ENPP7: variants seen among roughly 807,000 people sequenced by gnomAD.
ENPP7 encodes ectonucleotide pyrophosphatase/phosphodiesterase 7.
In ENPP7, 39 loss-of-function variants were observed where a neutral mutation model predicts 33.6. That is an observed-to-expected ratio of 1.16 (90% CI 0.90 to 1.52). ENPP7 has a LOEUF of 1.52. Ranked by LOEUF, ENPP7 falls within the 40% of genes most tolerant of loss-of-function variation. The pLI, the probability that ENPP7 is intolerant of heterozygous loss-of-function variation, is 0.00. For missense variants in ENPP7, 594 were observed against 641.0 expected, an observed-to-expected ratio of 0.93 and a Z score of 0.79; for synonymous variants, 244 against 274.3, an observed-to-expected ratio of 0.89 and a Z score of 1.09.
Position 79,738,003 on chromosome 17 carries a change from T to C in ENPP7, c.1334T>C (p.Met445Thr), listed in dbSNP as rs551019667. Residue 445 changes from methionine to threonine, a missense_variant, in exon 5 of 6, where the codon ATG (methionine) becomes ACG (threonine). Coordinates refer to ENST00000328313, the MANE Select transcript of ENPP7 (RefSeq NM_178543.5). This position sits in a 1 kb window ranked among gnomAD's most constrained non-coding sequence, Gnocchi z 6.2. Reference protein sequence around the residue: ...LPPSSRPLLVMGLLGTVILLS... With the variant: ...LPPSSRPLLVTGLLGTVILLS... The stretch of plus-strand genomic sequence containing the variant: ...CCCAGCAGCAGGCCCCTCCTCGTGA[T>C]GGGACTGCTGGGGACCGTGATTCTT... 2.4e-5 allele frequency: 39 copies of C among 1,613,248 alleles called. No homozygotes were observed. The South Asian group carries it at 4.2e-4, about 17-fold the overall frequency.
At chr17:79,740,136 T>C (rs1350305426) in intron 5 of ENPP7, among the ~76,000 whole-genome samples, 2 of 152,142 alleles carry the variant, frequency 1.3e-5, no homozygotes, top group African/African-American at 4.8e-5. Flanking sequence ...AGGTGGAGGC[T>C]GCAGTGAGCC....
chr17:79,736,237 G>T (rs782605774), intron 3 of ENPP7, among the ~76,000 whole-genome samples: 1 of 151,782 alleles, frequency 6.6e-6, no homozygotes, highest in Non-Finnish European at 1.5e-5. Context: ...ACAGGGTTTT[G>T]CATGTTGGCC....
intron 1 of ENPP7, among the ~76,000 whole-genome samples, chr17:79,732,895 G>A (rs1383068810): frequency 4.6e-5 from 7 of 152,138 alleles, no homozygotes; most frequent in Admixed American, 1.3e-4. Context: ...CCTTCTAACC[G>A]CAAACGGAGG....
chr17:79,740,759 C>T (rs1905466347), intron 5 of ENPP7, among the ~76,000 whole-genome samples: 1 of 152,182 alleles, frequency 6.6e-6, no homozygotes, highest in African/African-American at 2.4e-5. Context: ...TGCTGTTGGC[C>T]CTTACCCATT....
At position 79,733,585 on chromosome 17, in the gene ENPP7, G is replaced by A. The variant is rs571036557; in HGVS notation, c.331G>A (p.Ala111Thr). 1.2e-5 allele frequency: 20 copies of A among 1,613,492 alleles called. No homozygotes were observed. The East Asian group carries it at 2.5e-4, about 20-fold the overall frequency. ...CAGCAAGGTGAAGCTGCCCTACCAC[G>A]CCACGCTGGGCATCCAGAGGTGGTG... ...TTSKVKLPYH[A>T]TLGIQRWWDN... The change falls in exon 2 of 6, where the codon GCC (alanine) becomes ACC (threonine). Residue 111 changes from alanine (A) to threonine (T), a missense_variant. Transcript: ENST00000328313.
rs1172796051 is a variant in ENPP7, at chr17:79,739,891, T to C, written c.*16+1829T>C. Among the ~76,000 whole-genome samples the C allele has an allele frequency of 1.3e-5, 2 of 152,200 alleles. No individual in the cohort carries two copies. The highest frequency in any genetic ancestry group is 1.9e-4 in the East Asian group (1 of 5,198). On this transcript the variant is annotated intron_variant, in intron 5 of 5. Coordinates refer to ENST00000328313, the MANE Select transcript of ENPP7 (RefSeq NM_178543.5). The surrounding 1 kb of genome is among the most constrained non-coding windows in gnomAD (Gnocchi z 4.4). ...GACAGGAAAAGCCAAGAGCTTGTCA[T>C]GGGTCAAGAGGGGAATGAGGCCAGG... is the stretch of plus-strand genomic sequence containing the variant.
rs1555822416 is a variant in ENPP7 at position 79,731,196 on chromosome 17, G to A, written c.57G>A (p.Gly19=). 1 of 1,611,820 alleles carries A rather than the reference G, an allele frequency of 6.2e-7. No homozygotes were observed. Among genetic ancestry groups the A allele is most frequent in the Admixed American group, 1.7e-5 (1 of 59,998 alleles). The change falls in exon 1 of 6, where the codon GGG becomes GGA. Residue 19 remains glycine (G), a synonymous_variant. Coordinates refer to ENST00000328313, the MANE Select transcript of ENPP7 (RefSeq NM_178543.5). The stretch of plus-strand genomic sequence containing the variant: ...CTCTGGCCACGCTCCTGGCTCCCGG[G>A]GCCGGAGCACCGGTACAAAGTCAGG... The part of the protein sequence containing the change: ...TVALATLLAP[G]AGAPVQSQGS...
rs144007702 is a variant in ENPP7 at position 79,735,355 on chromosome 17, C to T, written c.712C>T (p.Arg238Cys). 5.1e-5 allele frequency: 82 copies of T among 1,613,772 alleles called. No individual in the cohort carries two copies. Among genetic ancestry groups the T allele is most frequent in the Admixed American group, 6.7e-5 (4 of 60,006 alleles). The change falls in exon 3 of 6, where the codon CGC becomes TGC. Residue 238 changes from arginine to cysteine, a missense_variant. Transcript: ENST00000328313. The surrounding 1 kb of genome is among the most constrained non-coding windows in gnomAD (Gnocchi z 5.5). ...ESIARNHLTD[R>C]LNLIITSDHG... is the part of the protein sequence containing the mutation. The stretch of plus-strand genomic sequence containing the variant: ...CATCGCGCGCAACCACCTCACAGAC[C>T]GCCTCAACCTGATCATCACATCCGA...
chr17:79,737,099 T>C lies in ENPP7; in HGVS notation c.1085T>C (p.Met362Thr), dbSNP rs567264953. 8.1e-6 allele frequency: 13 copies of C among 1,614,164 alleles called. No individual in the cohort carries two copies. The highest frequency in any genetic ancestry group is 3.3e-5 in the South Asian group (3 of 91,090). ...GGCTTTGACAACAAGGACATGGACA[T>C]GAAGACCATCTTCCGCGCTGTGGGC... ...EHGFDNKDMD[M>T]KTIFRAVGPS... Residue 362 changes from methionine (M) to threonine (T), a missense_variant, in exon 4 of 6, where the codon ATG becomes ACG. Met to Thr is a moderately conservative substitution (Grantham distance 81). This residue lies in a region of ENPP7 where 504 missense variants were observed against 512.8 expected (regional missense o/e 0.98). Transcript: ENST00000328313. This position sits in a 1 kb window ranked among gnomAD's most constrained non-coding sequence, Gnocchi z 5.5.
chr17:79,735,676 C>T lies in ENPP7; in HGVS notation c.1026+7C>T, dbSNP rs781809486. ...TGGCTACGTCATCCATGGGGTGAGTCGCCTGCTGGAGGCACCACCTCCAGG... is the reference window on the plus strand; with the variant it reads ...TGGCTACGTCATCCATGGGGTGAGTTGCCTGCTGGAGGCACCACCTCCAGG... On this transcript the variant is annotated splice_region_variant and intron_variant, in intron 3 of 5. Coordinates refer to ENST00000328313, the MANE Select transcript of ENPP7 (RefSeq NM_178543.5). The surrounding 1 kb of genome is among the most constrained non-coding windows in gnomAD (Gnocchi z 5.5). 6 of 1,597,662 alleles carry T rather than the reference C, an allele frequency of 3.8e-6. No homozygotes were observed. The highest frequency in any genetic ancestry group is 5.1e-6 in the Non-Finnish European group (6 of 1,169,014).
Position 79,737,085 on chromosome 17 carries a change from CA to C in ENPP7, c.1073del (p.Lys358ArgfsTer5). 6.2e-7 allele frequency: 1 copy of C among 1,614,180 alleles called. No individual in the cohort carries two copies. Among genetic ancestry groups the C allele is most frequent in the Non-Finnish European group, 8.5e-7 (1 of 1,180,032 alleles). ...FNNGEHGFDN[K>X]DMDMKTIFRA... is the part of the protein sequence containing the mutation. ...ACAATGGGGAGCACGGCTTTGACAA[CA>C]AGGACATGGACATGAAGACCATCTT... On this transcript the variant is annotated frameshift_variant, in exon 4 of 6. Coordinates refer to ENST00000328313, the MANE Select transcript of ENPP7 (RefSeq NM_178543.5). LOFTEE classifies it high-confidence loss of function. The surrounding 1 kb of genome is among the most constrained non-coding windows in gnomAD (Gnocchi z 5.5).
rs973674942 is a variant in ENPP7 at position 79,737,419 on chromosome 17, G to A, written c.1246+159G>A. On this transcript the variant is annotated intron_variant, in intron 4 of 5. Coordinates refer to ENST00000328313, the MANE Select transcript of ENPP7 (RefSeq NM_178543.5). This position sits in a 1 kb window ranked among gnomAD's most constrained non-coding sequence, Gnocchi z 5.5. ...AGAATCTCTCACATTCCCACAACAC[G>A]TGACCTCTCACGAGCACCTCATGCA... Among the ~76,000 whole-genome samples the A allele has an allele frequency of 2.6e-5, 4 of 152,204 alleles. No homozygotes were observed. Among genetic ancestry groups the A allele is most frequent in the Admixed American group, 1.3e-4 (2 of 15,282 alleles).
chr17:79,736,536 C>CACGTGTGTGTGTGT (rs1317944325), intron 3 of ENPP7, among the ~76,000 whole-genome samples: 1 of 146,010 alleles, frequency 6.8e-6, no homozygotes, highest in African/African-American at 2.5e-5. Flanking sequence ...GTGTGATAGG[C>CACGTGTGTGTGTGT]GTGTGTGTGT....
At position 79,735,820 on chromosome 17, in the gene ENPP7, A is replaced by G. The variant is rs7210835; in HGVS notation, c.1026+151A>G. ...GCTCACTGCAGCCTTAAACTCCCAGACTCAAGCGATCCTTCCACCTCAGCC... is the reference window on the plus strand; with the variant it reads ...GCTCACTGCAGCCTTAAACTCCCAGGCTCAAGCGATCCTTCCACCTCAGCC... On this transcript the variant is annotated intron_variant, in intron 3 of 5. Coordinates refer to ENST00000328313, the MANE Select transcript of ENPP7 (RefSeq NM_178543.5). This position sits in a 1 kb window ranked among gnomAD's most constrained non-coding sequence, Gnocchi z 5.5. The G allele has an allele frequency of 0.31, 218,247 of 702,348 alleles. 36,756 individuals are homozygous for G. Among genetic ancestry groups the G allele is most frequent in the African/African-American group, 0.47 (25,916 of 55,540 alleles). 43.5% of individuals were successfully genotyped at this position (702,348 alleles called of 1,614,324 possible). A position where few individuals can be genotyped will look rare whatever the true frequency, so the allele number is the denominator to read the frequency against.
At position 79,735,320 on chromosome 17, in the gene ENPP7, T is replaced by G; in HGVS notation, c.677T>G (p.Leu226Arg). 6.2e-7 allele frequency: 1 copy of G among 1,613,196 alleles called. No individual in the cohort carries two copies. Among genetic ancestry groups the G allele is most frequent in the Non-Finnish European group, 8.5e-7 (1 of 1,179,980 alleles). ...CAGGTGGACCGGACCGTGGGCTACC[T>G]CCGGGAGAGCATCGCGCGCAACCAC... ...VRQVDRTVGY[L>R]RESIARNHLT... is the part of the protein sequence containing the mutation. The change falls in exon 3 of 6, where the codon CTC (leucine) becomes CGC (arginine). Residue 226 changes from leucine (L) to arginine (R), a missense_variant. Transcript: ENST00000328313. The surrounding 1 kb of genome is among the most constrained non-coding windows in gnomAD (Gnocchi z 5.5).
rs782432126 is a variant in ENPP7 at position 79,735,484 on chromosome 17, G to A, written c.841G>A (p.Gly281Arg). ...CATCGAGTTTGAGCTCCTGGACTAC[G>A]GACCAAACGGGATGCTGCTCCCTAA... ...RDIEFELLDY[G>R]PNGMLLPKEG... Residue 281 changes from glycine (G) to arginine (R), a missense_variant, in exon 3 of 6, where the codon GGA becomes AGA. Coordinates refer to ENST00000328313, the MANE Select transcript of ENPP7 (RefSeq NM_178543.5). The surrounding 1 kb of genome is among the most constrained non-coding windows in gnomAD (Gnocchi z 5.5). 5.6e-6 allele frequency: 9 copies of A among 1,613,952 alleles called. No individual in the cohort carries two copies. The highest frequency in any genetic ancestry group is 1.1e-5 in the South Asian group (1 of 91,076).
At chr17:79,740,187 C>T (rs2094302879) in intron 5 of ENPP7, among the ~76,000 whole-genome samples, 1 of 152,050 alleles carries the variant, frequency 6.6e-6, no homozygotes, top group Non-Finnish European at 1.5e-5. Context: ...AAGAGTGAGA[C>T]CTTGTCTCTA....
intron 3 of ENPP7, among the ~76,000 whole-genome samples, chr17:79,736,409 A>C (rs569482879): frequency 4.1e-4 from 63 of 152,334 alleles, no homozygotes; most frequent in African/African-American, 1.5e-3. Flanking sequence ...TCAGCACCGA[A>C]GGGACACTTC....
Position 79,735,432 on chromosome 17 carries a change from C to T in ENPP7, c.789C>T (p.His263=), listed in dbSNP as rs1001536163. The T allele has an allele frequency of 1.2e-6, 2 of 1,614,114 alleles. No homozygotes were observed. Among genetic ancestry groups the T allele is most frequent in the East Asian group, 2.2e-5 (1 of 44,878 alleles). ...DKRAGDLVEF[H]KFPNFTFRDI... ...GGGCTGGCGACCTGGTTGAATTCCA[C>T]AAGTTCCCCAACTTCACCTTCCGGG... The change falls in exon 3 of 6, where the codon CAC becomes CAT. Residue 263 remains histidine (H), a synonymous_variant. Transcript: ENST00000328313. This position sits in a 1 kb window ranked among gnomAD's most constrained non-coding sequence, Gnocchi z 5.5.
Sources: allele counts gnomAD v4.1 joint callset (sites outside exome capture counted in the v4.1 genomes callset), GRCh38; gene constraint gnomAD v4.1.1; regional missense constraint gnomAD v4.1.1; non-coding constraint Gnocchi (gnomAD v3.1); transcripts MANE v1.5; gene names NCBI Gene and HGNC (gene_info 2026-07-23, HGNC 2026-07-21).